Variants in MICAL2 observed in about 807,000 individuals in gnomAD.
MICAL2 encodes [F-actin]-monooxygenase MICAL2.
Under a neutral mutation model 127.3 loss-of-function variants are expected in MICAL2, and 77 were observed. The observed-to-expected ratio is 0.60, with a 90% CI of 0.50 to 0.73. The LOEUF (loss-of-function observed/expected upper bound fraction) is 0.73. Among genes scored for constraint, MICAL2 ranks in the 30% least tolerant of loss-of-function variants. The pLI is 0.00. For missense variants in MICAL2, 1,351 were observed against 1,434.4 expected, an observed-to-expected ratio of 0.94 and a Z score of 0.94; for synonymous variants, 570 against 551.1, an observed-to-expected ratio of 1.03 and a Z score of -0.48.
chr11:12,338,367 T>C (rs1305691462), intron 32 of MICAL2, among the ~76,000 whole-genome samples: 3 of 152,224 alleles, frequency 2.0e-5, no homozygotes, highest in Non-Finnish European at 4.4e-5. Flanking sequence ...TGAAATGGGT[T>C]TCCTGAATAC....
At chr11:12,317,916 C>G (rs1361166306) in intron 29 of MICAL2, among the ~76,000 whole-genome samples, 11 of 152,266 alleles carry the variant, frequency 7.2e-5, no homozygotes, top group Admixed American at 5.2e-4. Flanking sequence ...TCTTTGGAAG[C>G]ATTTTCTCCT....
downstream of MICAL2, chr11:12,293,557 C>T (rs921736662): frequency 1.4e-5 from 22 of 1,595,000 alleles, no homozygotes; most frequent in Non-Finnish European, 1.8e-5. Context: ...CCCATCCCAT[C>T]TAGATGACAG....
chr11:12,349,330 C>A (rs1369800627), intron 32 of MICAL2, among the ~76,000 whole-genome samples: 1 of 151,966 alleles, frequency 6.6e-6, no homozygotes, highest in Non-Finnish European at 1.5e-5. Context: ...TTTCTTTGTT[C>A]AAAAAATCAA....
At chr11:12,305,474 G>A (rs1010950813) in intron 29 of MICAL2, among the ~76,000 whole-genome samples, 6 of 149,528 alleles carry the variant, frequency 4.0e-5, no homozygotes, top group African/African-American at 7.5e-5. Flanking sequence ...ACACATAGCC[G>A]AACCATATCA....
intron 2 of MICAL2, among the ~76,000 whole-genome samples, chr11:12,143,447 C>T (rs1473664052): frequency 6.6e-6 from 1 of 152,166 alleles, no homozygotes; most frequent in Non-Finnish European, 1.5e-5. Flanking sequence ...AGGAAAGCTT[C>T]TCCAAATATG....
intron 3 of MICAL2, among the ~76,000 whole-genome samples, chr11:12,185,113 G>A (rs10831751): frequency 4.1e-3 from 7 of 1,690 alleles, no homozygotes; most frequent in Admixed American, 6.8e-3. Context: ...AGGTGGGTGG[G>A]TGGGTGGGTG....
chr11:12,356,277 G>C (rs1939126678), intron 34 of MICAL2, among the ~76,000 whole-genome samples: 1 of 151,754 alleles, frequency 6.6e-6, no homozygotes, highest in Non-Finnish European at 1.5e-5. Flanking sequence ...GATTAGCAAG[G>C]AAAAAAAATA....
At chr11:12,134,379 T>G (rs1205845653) in intron 1 of MICAL2, among the ~76,000 whole-genome samples, 4 of 152,206 alleles carry the variant, frequency 2.6e-5, no homozygotes, top group Admixed American at 6.5e-5. Flanking sequence ...CCTCTCATAA[T>G]GGGCATGGCT....
chr11:12,338,180 G>A (rs1187200573), intron 32 of MICAL2, among the ~76,000 whole-genome samples: 1 of 152,186 alleles, frequency 6.6e-6, no homozygotes, highest in Non-Finnish European at 1.5e-5. Context: ...AGCTCTTCTT[G>A]TTGAATTGAT....
chr11:12,162,133 CT>C lies in MICAL2; in HGVS notation c.-22del. On this transcript the variant is annotated 5_prime_UTR_variant, in exon 3 of 28. Coordinates refer to ENST00000683283, the MANE Select transcript of MICAL2 (RefSeq NM_001282663.2). The stretch of plus-strand genomic sequence containing the variant: ...GTTCACCTGTGTCCTCGCCGCACCA[CT>C]GCCGCACACGACTCCTGAACCATGG... 6.2e-7 allele frequency: 1 copy of C among 1,613,840 alleles called. No individual in the cohort carries two copies. The highest frequency in any genetic ancestry group is 1.1e-5 in the South Asian group (1 of 91,058).
chr11:12,245,664 C>G (rs1001246994), intron 21 of MICAL2, among the ~76,000 whole-genome samples: 8 of 152,256 alleles, frequency 5.3e-5, no homozygotes, highest in Non-Finnish European at 7.3e-5. Flanking sequence ...CACAGGCCAG[C>G]TGTTTGACCT....
At chr11:12,188,463 G>A (rs947848784) in intron 3 of MICAL2, among the ~76,000 whole-genome samples, 7 of 152,206 alleles carry the variant, frequency 4.6e-5, no homozygotes, top group Middle Eastern at 3.4e-3. Context: ...TGGTTGGCAC[G>A]AGCACCTAGT....
intron 2 of MICAL2, chr11:12,153,232 T>C (rs958600586): frequency 6.6e-6 from 1 of 151,458 alleles, no homozygotes; most frequent in African/African-American, 2.4e-5. Context: ...AGAGACAGAG[T>C]CTCACTGCGT....
At chr11:12,180,017 ACT>A (rs1285666501) in intron 3 of MICAL2, among the ~76,000 whole-genome samples, 2 of 152,126 alleles carry the variant, frequency 1.3e-5, no homozygotes, top group African/African-American at 4.8e-5. Flanking sequence ...GGGGAAAGTA[ACT>A]CTGTACTCCT....
intron 15 of MICAL2, among the ~76,000 whole-genome samples, chr11:12,228,099 C>A (rs974774343): frequency 6.6e-6 from 1 of 152,194 alleles, no homozygotes; most frequent in African/African-American, 2.4e-5. Context: ...GAGGCCAAGG[C>A]AGGCAGATCA....
chr11:12,129,474 C>G (rs1018458969), intron 1 of MICAL2, among the ~76,000 whole-genome samples: 5 of 152,042 alleles, frequency 3.3e-5, no homozygotes, highest in Admixed American at 6.5e-5. Context: ...CACGCACCCC[C>G]CTTCCTATCC....
At chr11:12,338,173 T>C (rs1488057342) in intron 32 of MICAL2, among the ~76,000 whole-genome samples, 1 of 152,232 alleles carries the variant, frequency 6.6e-6, no homozygotes. Flanking sequence ...GATAGTTAGC[T>C]CTTCTTGTTG....
chr11:12,220,875 C>T (rs556801867), intron 9 of MICAL2, among the ~76,000 whole-genome samples: 5 of 152,374 alleles, frequency 3.3e-5, no homozygotes, highest in African/African-American at 1.2e-4. Context: ...GTCTCCTTTC[C>T]ATTCATAGCT....
At chr11:12,328,451 A>G (rs1349071666) in intron 32 of MICAL2, among the ~76,000 whole-genome samples, 3 of 152,196 alleles carry the variant, frequency 2.0e-5, no homozygotes, top group Non-Finnish European at 4.4e-5. Flanking sequence ...ACCAGTAAAG[A>G]GGAGATTGTT....
Sources: gnomAD v4.1 joint callset for allele counts (sites outside exome capture counted in the v4.1 genomes callset) on GRCh38, gnomAD v4.1.1 for gene constraint, MANE v1.5 for transcripts, NCBI Gene and HGNC (gene_info 2026-07-23, HGNC 2026-07-21) for gene names.